ATR: variants seen among roughly 807,000 people sequenced by gnomAD.
ATR encodes the protein serine/threonine-protein kinase ATR.
In ATR, 142 loss-of-function variants were observed where a neutral mutation model predicts 305.3. The observed-to-expected ratio is 0.47, with a 90% CI of 0.41 to 0.53. The LOEUF (loss-of-function observed/expected upper bound fraction) is 0.53. Among genes scored for constraint, ATR ranks in the 20% least tolerant of loss-of-function variants. The probability of loss-of-function intolerance (pLI) is 0.00; values close to 1 mark genes in which losing one functional copy is unlikely to be tolerated. For synonymous variants in ATR, 1,050 were observed against 1,068.1 expected (o/e 0.98, Z 0.33); for missense variants, 2,135 against 3,133.1 (o/e 0.68, Z 7.60).
At chr3:142,558,816 C>G (rs2034777206) in intron 7 of ATR, 40 bp from the exon 8 acceptor site, 1 of 1,537,526 alleles carries the variant, frequency 6.5e-7, no homozygotes, top group Non-Finnish European at 9.0e-7. Flanking sequence ...ATAACTTTTC[C>G]TTAATCATAT....
intron 21 of ATR, among the ~76,000 whole-genome samples, chr3:142,525,235 T>C (rs2033323682): frequency 6.6e-6 from 1 of 152,196 alleles, no homozygotes; most frequent in African/African-American, 2.4e-5. Context: ...CTAGACCTCC[T>C]ATTGTTTCCC....
intron 46 of ATR, chr3:142,451,485 C>T: frequency 6.8e-7 from 1 of 1,475,946 alleles, no homozygotes; most frequent in South Asian, 1.1e-5. Flanking sequence ...AGACATCTTA[C>T]AAAAGAACAC....
intron 23 of ATR, among the ~76,000 whole-genome samples, chr3:142,520,154 C>T (rs2033083768): frequency 6.6e-6 from 1 of 152,092 alleles, no homozygotes; most frequent in African/African-American, 2.4e-5. Context: ...CTTTGGGGCT[C>T]CACAAACTGT....
At chr3:142,575,365 A>G (rs977647535) in intron 1 of ATR, among the ~76,000 whole-genome samples, 1 of 151,832 alleles carries the variant, frequency 6.6e-6, no homozygotes, top group African/African-American at 2.4e-5. Flanking sequence ...CTGTAGTCCC[A>G]GCTACAGGAA....
intron 30 of ATR, among the ~76,000 whole-genome samples, chr3:142,502,258 A>AT (rs2032007461): frequency 6.6e-6 from 1 of 152,232 alleles, no homozygotes; most frequent in Non-Finnish European, 1.5e-5. Context: ...AAAAAGATAC[A>AT]TACACTCGTA....
At chr3:142,526,410 T>C (rs568367368) in intron 21 of ATR, among the ~76,000 whole-genome samples, 6 of 152,170 alleles carry the variant, frequency 3.9e-5, no homozygotes, top group African/African-American at 1.4e-4. Context: ...CTAAATTCCT[T>C]AGCCAATACC....
chr3:142,562,545 T>G lies in ATR; in HGVS notation c.857A>C (p.Asp286Ala). The stretch of plus-strand genomic sequence containing the variant: ...TGGCTCTTCATAGAGTTTCAATTGG[T>G]CAGTATCCATTTCTACAAGGTGTTT... The part of the protein sequence containing the change: ...LLKHLVEMDT[D>A]QLKLYEEPLS... Residue 286 changes from aspartate (D) to alanine (A), a missense_variant, in exon 4 of 47, where the codon GAC (aspartate) becomes GCC (alanine). Asp to Ala is a moderately radical substitution (Grantham distance 126, BLOSUM62 -2). Transcript: ENST00000350721. 6.2e-7 allele frequency: 1 copy of G among 1,613,806 alleles called. No homozygotes were observed.
rs765983327 is a variant in ATR at position 142,459,109 on chromosome 3, T to C, written c.7352A>G (p.Tyr2451Cys). 6.2e-7 allele frequency: 1 copy of C among 1,613,926 alleles called. No homozygotes were observed. The change falls in exon 44 of 47, where the codon TAC becomes TGC. Residue 2451 changes from tyrosine (Y) to cysteine (C), a missense_variant and splice_region_variant. Physicochemically the swap from Tyr to Cys is radical, Grantham distance 194. Around this residue, in one of 9 missense-constraint regions of ATR, gnomAD observed 462 missense variants for 887.6 expected, o/e 0.52. Transcript: ENST00000350721. ...LRTFPDPTSW[Y>C]SSRSAYCRST... is the part of the protein sequence containing the mutation. ...ACGGCAGTAAGCTGATCTACTACTGTACCTAAAAGAAACACAATGCCTATG... is the reference window on the plus strand; with the variant it reads ...ACGGCAGTAAGCTGATCTACTACTGCACCTAAAAGAAACACAATGCCTATG...
chr3:142,508,705 C>T (rs2032383593), intron 27 of ATR, among the ~76,000 whole-genome samples: 1 of 152,036 alleles, frequency 6.6e-6, no homozygotes, highest in Non-Finnish European at 1.5e-5. Context: ...AGGCGGATCA[C>T]AAGGTTAGGA....
chr3:142,453,827 C>G (rs2070843029), intron 45 of ATR, among the ~76,000 whole-genome samples: 1 of 152,186 alleles, frequency 6.6e-6, no homozygotes, highest in Non-Finnish European at 1.5e-5. Flanking sequence ...AATTACAACT[C>G]CTAAATCTCT....
chr3:142,512,220 TAAAAAAAAAAAA>T, intron 27 of ATR, 28 bp downstream of exon 27: 1 of 1,245,626 alleles, frequency 8.0e-7, no homozygotes, highest in South Asian at 1.3e-5. Context: ...GGTGAATAGC[TAAAAAAAAAAAA>T]AAAAAAGAAA....
chr3:142,455,127 A>G (rs2070877397), intron 45 of ATR, among the ~76,000 whole-genome samples: 1 of 152,200 alleles, frequency 6.6e-6, no homozygotes, highest in African/African-American at 2.4e-5. Context: ...ACTAGCAATG[A>G]ACAATCCAAA....
At chr3:142,492,633 G>A (rs908181623) in intron 35 of ATR, among the ~76,000 whole-genome samples, 4 of 151,646 alleles carry the variant, frequency 2.6e-5, no homozygotes, top group South Asian at 4.2e-4. Flanking sequence ...TATTTTCTTC[G>A]AATATATGCA....
At chr3:142,559,585 T>C (rs1254605181) in intron 6 of ATR, 144 bp from the exon 7 acceptor site, 2 of 796,084 alleles carry the variant, frequency 2.5e-6, no homozygotes, top group Non-Finnish European at 4.1e-6. Context: ...AATCAAGTAA[T>C]ATGTTATTAC....
At chr3:142,559,534 G>T in intron 6 of ATR, 93 bp from the exon 7 acceptor site, 1 of 1,241,688 alleles carries the variant, frequency 8.1e-7, no homozygotes, top group Non-Finnish European at 1.2e-6. Flanking sequence ...AAGAAATTGT[G>T]AGTACGAAAT....
Position 142,468,081 on chromosome 3 carries a change from AG to A in ATR, c.6553-14del, listed in dbSNP as rs1211573412. 1 of 1,611,230 alleles carries A rather than the reference AG, an allele frequency of 6.2e-7. No homozygotes were observed. The highest frequency in any genetic ancestry group is 1.7e-5 in the Admixed American group (1 of 59,938). ...TGGGATAAGATGACTGTCATAAAAA[AG>A]AGTTAAATGTCATAAAAAAGAGTTT... On this transcript the variant is annotated splice_polypyrimidine_tract_variant and intron_variant, in intron 38 of 46. Transcript: ENST00000350721.
intron 10 of ATR, among the ~76,000 whole-genome samples, chr3:142,554,543 T>C (rs978782372): frequency 7.2e-5 from 11 of 152,166 alleles, no homozygotes; most frequent in African/African-American, 1.9e-4. Context: ...ATAATTTAAA[T>C]CTAAAATAAT....
intron 20 of ATR, among the ~76,000 whole-genome samples, chr3:142,535,634 A>G (rs926787785): frequency 1.3e-5 from 2 of 152,142 alleles, no homozygotes; most frequent in Admixed American, 6.6e-5. Flanking sequence ...CACCACTAAC[A>G]TCTTCATAAT....
intron 16 of ATR, 136 bp from the exon 17 acceptor site, chr3:142,542,893 T>C: frequency 1.4e-6 from 1 of 732,864 alleles, no homozygotes; most frequent in South Asian, 1.9e-5. Context: ...CTTGGTTAAT[T>C]AAGTTTCTCC....
Sources: gnomAD v4.1 joint callset for allele counts (sites outside exome capture counted in the v4.1 genomes callset) on GRCh38, gnomAD v4.1.1 for gene constraint, gnomAD v4.1.1 regional missense constraint, MANE v1.5 for transcripts, NCBI Gene and HGNC (gene_info 2026-07-23, HGNC 2026-07-21) for gene names.